The following CTNND2 variants were observed in gnomAD, a reference collection of about 807,000 sequenced individuals.
CTNND2 encodes catenin delta 2.
CTNND2 carries 22 observed loss-of-function variants against 144.4 expected under a neutral mutation model. The ratio of observed to expected loss-of-function variants is 0.15; its 90% CI spans 0.11 to 0.22. The LOEUF is 0.22. Ranked by LOEUF, CTNND2 falls within the 10% of genes least tolerant of loss-of-function variation. The pLI is 1.00. For missense variants in CTNND2, 1,353 were observed against 1,618.8 expected (o/e 0.84, Z 2.82); for synonymous variants, 751 against 695.6 (o/e 1.08, Z -1.25).
chr5:11,584,359 A>G (rs1275957991), intron 2 of CTNND2, among the ~76,000 whole-genome samples: 1 of 150,756 alleles, frequency 6.6e-6, no homozygotes, highest in Admixed American at 6.6e-5. Flanking sequence ...TACTAAAACA[A>G]TTAGACAGTT....
intron 3 of CTNND2, among the ~76,000 whole-genome samples, chr5:11,479,513 C>T (rs139987450): frequency 6.6e-6 from 1 of 152,220 alleles, no homozygotes; most frequent in African/African-American, 2.4e-5. Flanking sequence ...GGTTATACAC[C>T]TAGTAATAAG....
intron 2 of CTNND2, among the ~76,000 whole-genome samples, chr5:11,569,717 T>A (rs746847142): frequency 1.5e-4 from 23 of 152,146 alleles, no homozygotes; most frequent in African/African-American, 5.6e-4. Flanking sequence ...GGACAATTGT[T>A]AAGTCTTAAC....
chr5:11,191,258 C>CA (rs1736213234), intron 11 of CTNND2, among the ~76,000 whole-genome samples: 1 of 152,136 alleles, frequency 6.6e-6, no homozygotes, highest in Admixed American at 6.5e-5. Context: ...GGGAGCAAAT[C>CA]AATTCCATCA....
chr5:11,657,081 C>A (rs1264926682), intron 2 of CTNND2, among the ~76,000 whole-genome samples: 1 of 152,054 alleles, frequency 6.6e-6, no homozygotes, highest in African/African-American at 2.4e-5. Flanking sequence ...GCACAGAAGG[C>A]AATCGTGAAA....
At chr5:11,679,648 C>T (rs1222608542) in intron 2 of CTNND2, among the ~76,000 whole-genome samples, 2 of 152,140 alleles carry the variant, frequency 1.3e-5, no homozygotes, top group Admixed American at 6.5e-5. Flanking sequence ...CCTGTCTTTC[C>T]CGACACTCAT....
intron 2 of CTNND2, among the ~76,000 whole-genome samples, chr5:11,645,402 A>C (rs1782294259): frequency 6.6e-6 from 1 of 152,218 alleles, no homozygotes; most frequent in Non-Finnish European, 1.5e-5. Context: ...GCTCATCTTC[A>C]CAACACTATT....
intron 10 of CTNND2, among the ~76,000 whole-genome samples, chr5:11,222,421 G>A (rs192199347): frequency 1.9e-4 from 29 of 152,230 alleles, no homozygotes; most frequent in African/African-American, 6.3e-4. Context: ...GTCTTGCCTC[G>A]CTGCAGGGTA....
At chr5:10,998,515 T>C (rs1473716117) in intron 18 of CTNND2, among the ~76,000 whole-genome samples, 12 of 152,184 alleles carry the variant, frequency 7.9e-5, no homozygotes, top group Admixed American at 5.2e-4. Context: ...CCATCTCCCC[T>C]CTCTCATTCA....
intron 3 of CTNND2, among the ~76,000 whole-genome samples, chr5:11,560,452 A>T (rs1776595265): frequency 6.6e-6 from 1 of 152,302 alleles, no homozygotes; most frequent in African/African-American, 2.4e-5. Context: ...TATGTTACTG[A>T]TGCCTATGGA....
At chr5:11,261,433 G>C (rs1043259565) in intron 9 of CTNND2, among the ~76,000 whole-genome samples, 4 of 152,148 alleles carry the variant, frequency 2.6e-5, no homozygotes, top group African/African-American at 9.7e-5. Context: ...ATGTCCTCCC[G>C]GGTGCTTTGC....
chr5:11,303,948 A>G (rs1003074174), intron 9 of CTNND2, among the ~76,000 whole-genome samples: 1 of 152,146 alleles, frequency 6.6e-6, no homozygotes, highest in African/African-American at 2.4e-5. Context: ...AATAAGTCTC[A>G]GGAGATCTGA....
At chr5:11,716,175 T>C (rs1786339758) in intron 2 of CTNND2, among the ~76,000 whole-genome samples, 1 of 152,224 alleles carries the variant, frequency 6.6e-6, no homozygotes, top group African/African-American at 2.4e-5. Flanking sequence ...TTTCCCATAG[T>C]AACTTCCGGA....
chr5:11,341,105 C>A (rs1416774299), intron 9 of CTNND2, among the ~76,000 whole-genome samples: 1 of 152,128 alleles, frequency 6.6e-6, no homozygotes, highest in Non-Finnish European at 1.5e-5. Flanking sequence ...CTGTTGGGCC[C>A]AGAAGTGACA....
intron 10 of CTNND2, among the ~76,000 whole-genome samples, chr5:11,204,942 G>C (rs1453765390): frequency 6.6e-6 from 1 of 152,180 alleles, no homozygotes; most frequent in East Asian, 1.9e-4. Flanking sequence ...GAGGGATTTG[G>C]AGCTGGGAAG....
intron 10 of CTNND2, among the ~76,000 whole-genome samples, chr5:11,225,483 A>G (rs951674818): frequency 2.0e-5 from 3 of 152,186 alleles, no homozygotes; most frequent in African/African-American, 7.2e-5. Context: ...CATCTTCTTC[A>G]GAGATTCTCT....
intron 2 of CTNND2, among the ~76,000 whole-genome samples, chr5:11,667,069 C>T (rs1235635205): frequency 2.0e-5 from 3 of 152,140 alleles, no homozygotes; most frequent in Non-Finnish European, 2.9e-5. Context: ...TTTCCAGCTT[C>T]ATCCATATCC....
intron 2 of CTNND2, among the ~76,000 whole-genome samples, chr5:11,618,386 C>A (rs1780677834): frequency 1.3e-5 from 2 of 152,266 alleles, no homozygotes; most frequent in South Asian, 4.1e-4. Flanking sequence ...CTATAAAGAG[C>A]TGCATGCTAG....
chr5:11,277,806 C>G (rs1746700929), intron 9 of CTNND2, among the ~76,000 whole-genome samples: 1 of 152,228 alleles, frequency 6.6e-6, no homozygotes, highest in Non-Finnish European at 1.5e-5. Flanking sequence ...GCTGGGATTA[C>G]AGGTGTGAGC....
intron 9 of CTNND2, among the ~76,000 whole-genome samples, chr5:11,325,312 C>T (rs1752423813): frequency 1.3e-5 from 2 of 151,804 alleles, no homozygotes; most frequent in African/African-American, 4.8e-5. Flanking sequence ...ATATATATCC[C>T]TTTTTTCCTC....
Sources: gnomAD v4.1 joint callset for allele counts (sites outside exome capture counted in the v4.1 genomes callset) on GRCh38, gnomAD v4.1.1 for gene constraint, MANE v1.5 for transcripts, NCBI Gene and HGNC (gene_info 2026-07-23, HGNC 2026-07-21) for gene names.